The following GDA variants were observed in gnomAD, a reference collection of about 807,000 sequenced individuals.
GDA encodes the protein guanine deaminase, also known as cytoplasmic PSD-95 interactor.
A neutral mutation model predicts 59.6 loss-of-function variants in GDA; 18 were observed. That is an observed-to-expected ratio of 0.30 (90% CI 0.21 to 0.45). GDA has a LOEUF of 0.45. Among genes scored for constraint, GDA ranks in the 20% least tolerant of loss-of-function variants. GDA has a pLI of 1.00. For synonymous variants in GDA, 201 were observed against 201.1 expected (o/e 1.00, Z 0.00); for missense variants, 427 against 552.3 (o/e 0.77, Z 2.27).
intron 1 of GDA, among the ~76,000 whole-genome samples, chr9:72,140,116 G>A (rs1296134105): frequency 6.6e-6 from 1 of 152,188 alleles, no homozygotes; most frequent in Non-Finnish European, 1.5e-5. Context: ...ATGAGACCCA[G>A]ATCAGAGTGT....
chr9:72,222,863 C>T (rs191736167), intron 6 of GDA, among the ~76,000 whole-genome samples: 2 of 152,098 alleles, frequency 1.3e-5, no homozygotes, highest in East Asian at 1.9e-4. Context: ...TGCGCCACCA[C>T]GCCCAGCTAA....
upstream of GDA, among the ~76,000 whole-genome samples, chr9:72,146,051 C>A (rs1289265211): frequency 7.1e-6 from 1 of 141,334 alleles, no homozygotes; most frequent in African/African-American, 2.6e-5. Context: ...AGTAATGGAA[C>A]AATTACAGCA....
At position 72,248,444 on chromosome 9, in the gene GDA, G is replaced by A; in HGVS notation, c.*102G>A. On this transcript the variant is annotated 3_prime_UTR_variant, in exon 14 of 14. Coordinates refer to ENST00000358399, the MANE Select transcript of GDA (RefSeq NM_004293.5). ...AGTCAAAAAATAGTACCTTGTTCTT[G>A]GGATGACTATCCCTTTCTGTGTCTA... The A allele has an allele frequency of 1.3e-6, 2 of 1,565,912 alleles. No homozygotes were observed. The highest frequency in any genetic ancestry group is 8.6e-7 in the Non-Finnish European group (1 of 1,156,576).
At chr9:72,174,313 T>C (rs1328349994) in intron 1 of GDA, among the ~76,000 whole-genome samples, 1 of 152,204 alleles carries the variant, frequency 6.6e-6, no homozygotes, top group East Asian at 1.9e-4. Context: ...TATGAAGAAA[T>C]GTGAAATTGC....
intron 10 of GDA, among the ~76,000 whole-genome samples, chr9:72,233,762 C>T (rs1361924321): frequency 6.6e-6 from 1 of 151,994 alleles, no homozygotes; most frequent in Non-Finnish European, 1.5e-5. Flanking sequence ...GGCAACATGG[C>T]AAAACCCTGT....
intron 1 of GDA, among the ~76,000 whole-genome samples, chr9:72,152,429 T>C (rs965309717): frequency 2.6e-5 from 4 of 152,252 alleles, no homozygotes; most frequent in African/African-American, 9.6e-5. Context: ...AGTTATACTT[T>C]CTGCTCAAGT....
intron 1 of GDA, among the ~76,000 whole-genome samples, chr9:72,193,620 C>T (rs1457016596): frequency 1.3e-5 from 2 of 152,258 alleles, no homozygotes; most frequent in African/African-American, 4.8e-5. Context: ...GTGTTGTCCA[C>T]AGCTTTCTGT....
intron 1 of GDA, among the ~76,000 whole-genome samples, chr9:72,169,706 A>G (rs1829734674): frequency 6.6e-6 from 1 of 152,190 alleles, no homozygotes; most frequent in Non-Finnish European, 1.5e-5. Context: ...AACAAACTGG[A>G]CCAACATTTT....
In GDA at chr9:72,228,056, T is replaced by A; in HGVS notation, c.920+16T>A. ...CTAATTTATCGTAAGTAGACAATGA[T>A]TGTTTGGTAGATTACGAATGATTGG... On this transcript the variant is annotated intron_variant, in intron 9 of 13. Transcript: ENST00000358399. The A allele has an allele frequency of 7.3e-7, 1 of 1,368,634 alleles. No homozygotes were observed. The highest frequency in any genetic ancestry group is 1.0e-6 in the Non-Finnish European group (1 of 958,920). 84.8% of individuals were successfully genotyped at this position (1,368,634 alleles called of 1,614,324 possible). A position where few individuals can be genotyped will look rare whatever the true frequency, so the allele number is the denominator to read the frequency against.
At chr9:72,190,258 C>T (rs1832368455) in intron 1 of GDA, among the ~76,000 whole-genome samples, 1 of 152,172 alleles carries the variant, frequency 6.6e-6, no homozygotes, top group Admixed American at 6.5e-5. Context: ...TCCCAAGTAG[C>T]TGGGACTACA....
At chr9:72,244,081 GCAGGAGAATGGTGTGAACC>G (rs1839902964) in intron 11 of GDA, among the ~76,000 whole-genome samples, 1 of 151,838 alleles carries the variant, frequency 6.6e-6, no homozygotes, top group East Asian at 1.9e-4. Context: ...GGAGGCTGAG[GCAGGAGAATGGTGTGAACC>G]CAGGAGGCAC....
At position 72,249,378 on chromosome 9, in the gene GDA, G is replaced by A. The variant is rs564970346; in HGVS notation, c.*1036G>A. 7.2e-6 allele frequency: 7 copies of A among 967,224 alleles called. No individual in the cohort carries two copies. The highest frequency in any genetic ancestry group is 1.8e-5 in the African/African-American group (1 of 56,966). The allele number at this position is 967,224 out of a possible 1,614,324, so 59.9% of individuals were successfully genotyped here. On this transcript the variant is annotated 3_prime_UTR_variant, in exon 14 of 14. Coordinates refer to ENST00000358399, the MANE Select transcript of GDA (RefSeq NM_004293.5). ...AACTTTAAAATGAAGGACAAATCCTGTTAAAGAAATATTGTTAAAAATCTT... is the reference window on the plus strand; with the variant it reads ...AACTTTAAAATGAAGGACAAATCCTATTAAAGAAATATTGTTAAAAATCTT...
intron 1 of GDA, among the ~76,000 whole-genome samples, chr9:72,158,726 A>T (rs1026872246): frequency 3.9e-5 from 6 of 152,164 alleles, no homozygotes; most frequent in African/African-American, 1.4e-4. Context: ...AGCTTTATAG[A>T]ATGTTCTCAC....
chr9:72,216,298 C>T (rs1440249491), intron 5 of GDA, among the ~76,000 whole-genome samples: 2 of 152,126 alleles, frequency 1.3e-5, no homozygotes, highest in African/African-American at 4.8e-5. Context: ...CCAGTTTCTC[C>T]ATATCTCAGG....
Position 72,149,526 on chromosome 9 carries a change from G to A in GDA, c.-34G>A. The A allele has an allele frequency of 1.9e-6, 3 of 1,605,122 alleles. No homozygotes were observed. The highest frequency in any genetic ancestry group is 2.5e-6 in the Non-Finnish European group (3 of 1,177,934). The stretch of plus-strand genomic sequence containing the variant: ...CGTCTCCGCCGCGTGCGCCCTCCTC[G>A]ACCAGCAGACCCGCGCTGCGCTCCG... On this transcript the variant is annotated 5_prime_UTR_variant, in exon 1 of 14. Transcript: ENST00000358399.
Position 72,232,716 on chromosome 9 carries a change from G to A in GDA, c.988+1535G>A, listed in dbSNP as rs555607466. ...CCTTTTCTTGACTTTGGATTGTTTA[G>A]TGATGGTCTATAAAGTTCAAGTTGA... On this transcript the variant is annotated intron_variant, in intron 10 of 13. Transcript: ENST00000358399. 2.6e-5 allele frequency among the ~76,000 whole-genome samples: 4 copies of A among 152,314 alleles called. No individual in the cohort carries two copies. In the South Asian group the frequency reaches 8.3e-4, roughly 32 times the overall value.
chr9:72,158,002 T>G (rs1182170155), intron 1 of GDA, among the ~76,000 whole-genome samples: 1 of 152,234 alleles, frequency 6.6e-6, no homozygotes, highest in Non-Finnish European at 1.5e-5. Flanking sequence ...ATAGTCCTCC[T>G]TTTTATATCC....
In GDA at chr9:72,250,617, C is replaced by T; in HGVS notation, c.*2275C>T. On this transcript the variant is annotated 3_prime_UTR_variant, in exon 14 of 14. Transcript: ENST00000358399. Reference sequence around the variant, plus strand: ...TCTGTACCACAGGCATTATCTATACCTGGGGCCAGATTTTCTGCACTTTGA... The same window carrying T: ...TCTGTACCACAGGCATTATCTATACTTGGGGCCAGATTTTCTGCACTTTGA... 1.3e-6 allele frequency: 2 copies of T among 1,576,672 alleles called. No homozygotes were observed. The highest frequency in any genetic ancestry group is 1.7e-6 in the Non-Finnish European group (2 of 1,166,320).
At chr9:72,170,219 G>A (rs1829788306) in intron 1 of GDA, among the ~76,000 whole-genome samples, 1 of 152,128 alleles carries the variant, frequency 6.6e-6, no homozygotes, top group African/African-American at 2.4e-5. Flanking sequence ...CTGAGCTCTT[G>A]GAATGAACCA....
Sources: allele counts gnomAD v4.1 joint callset (sites outside exome capture counted in the v4.1 genomes callset), GRCh38; gene constraint gnomAD v4.1.1; transcripts MANE v1.5; gene names NCBI Gene and HGNC (gene_info 2026-07-23, HGNC 2026-07-21).